NEURL1: variants seen among roughly 807,000 people sequenced by gnomAD.
NEURL1 encodes the protein neuralized E3 ubiquitin protein ligase 1.
Under a neutral mutation model 41.2 loss-of-function variants are expected in NEURL1, and 26 were observed. The observed-to-expected ratio is 0.63, with a 90% CI of 0.46 to 0.87. The LOEUF (loss-of-function observed/expected upper bound fraction) is 0.87. Ranked by LOEUF, NEURL1 falls within the 40% of genes least tolerant of loss-of-function variation. The pLI is 0.00. For missense variants in NEURL1, 761 were observed against 871.1 expected (o/e 0.87, Z 1.59); for synonymous variants, 400 against 402.3 (o/e 0.99, Z 0.07).
At chr10:103,552,883 T>G (rs1441980087) in intron 1 of NEURL1, among the ~76,000 whole-genome samples, 1 of 152,060 alleles carries the variant, frequency 6.6e-6, no homozygotes, top group Non-Finnish European at 1.5e-5. Context: ...GAAATATAAG[T>G]GCCAAGAACA....
At chr10:103,588,762 G>C (rs1255403807) in intron 4 of NEURL1, 1 of 417,272 alleles carries the variant, frequency 2.4e-6, no homozygotes, top group Admixed American at 2.8e-5. Flanking sequence ...TGGCCAACAT[G>C]GTGAAACCCC....
At chr10:103,589,950 G>C (rs1157235795) in intron 5 of NEURL1, among the ~76,000 whole-genome samples, 184 bp from the exon 6 acceptor site, 1 of 152,208 alleles carries the variant, frequency 6.6e-6, no homozygotes, top group Admixed American at 6.5e-5. Context: ...GGTTGGAGTG[G>C]GTCAGAAGTG....
At chr10:103,552,151 G>A (rs1053944981) in intron 1 of NEURL1, among the ~76,000 whole-genome samples, 4 of 152,162 alleles carry the variant, frequency 2.6e-5, no homozygotes, top group African/African-American at 9.7e-5. Context: ...TGTTGCTGCT[G>A]CTGCTCCCTC....
chr10:103,590,041 A>C (rs2036004649), intron 5 of NEURL1, 93 bp from the exon 6 acceptor site: 1 of 1,216,226 alleles, frequency 8.2e-7, no homozygotes. Context: ...TGATAAATGG[A>C]GGGGGACACA....
At chr10:103,538,999 T>C (rs2034761239) in intron 1 of NEURL1, among the ~76,000 whole-genome samples, 4 of 145,840 alleles carry the variant, frequency 2.7e-5, no homozygotes, top group African/African-American at 1.0e-4. Flanking sequence ...CAGGCTGGAG[T>C]GCAGTGGTAC....
At position 103,543,892 on chromosome 10, in the gene NEURL1, C is replaced by T. The variant is rs772050080; in HGVS notation, c.86-26980C>T. Among the ~76,000 whole-genome samples, 6 of 146,962 alleles carry T rather than the reference C, an allele frequency of 4.1e-5. No homozygotes were observed. The East Asian group carries it at 8.2e-4, about 20-fold the overall frequency. ...GCCATGTTCTAGAACACAACTGGCT[C>T]GTGTGCATGGAGCATAGGTACATGG... is the stretch of plus-strand genomic sequence containing the variant. On this transcript the variant is annotated intron_variant, in intron 1 of 5. Coordinates refer to ENST00000369780, the MANE Select transcript of NEURL1 (RefSeq NM_004210.5).
chr10:103,505,692 A>G (rs540272001), intron 1 of NEURL1, among the ~76,000 whole-genome samples: 1 of 151,728 alleles, frequency 6.6e-6, no homozygotes, highest in South Asian at 2.1e-4. Flanking sequence ...CTTAAAAAGC[A>G]CCCTAGACGG....
At position 103,589,499 on chromosome 10, in the gene NEURL1, C is replaced by T. The variant is rs778358437; in HGVS notation, c.1340-15C>T. On this transcript the variant is annotated splice_polypyrimidine_tract_variant and intron_variant, in intron 4 of 5. Coordinates refer to ENST00000369780, the MANE Select transcript of NEURL1 (RefSeq NM_004210.5). ...CAGGCAGCTAGTGTGTCCTTCCCTC[C>T]CTCCCCTTTCACAGGCTCCACTATC... 1 of 1,582,522 alleles carries T rather than the reference C, an allele frequency of 6.3e-7. No homozygotes were observed. The highest frequency in any genetic ancestry group is 8.6e-7 in the Non-Finnish European group (1 of 1,162,470).
intron 1 of NEURL1, among the ~76,000 whole-genome samples, chr10:103,540,128 T>C (rs888301653): frequency 2.6e-5 from 4 of 152,236 alleles, no homozygotes; most frequent in African/African-American, 9.6e-5. Context: ...TTTTTATTAC[T>C]AGCAACCAAA....
chr10:103,529,064 G>A (rs1471226844), intron 1 of NEURL1, among the ~76,000 whole-genome samples: 4 of 152,052 alleles, frequency 2.6e-5, no homozygotes, highest in Non-Finnish European at 5.9e-5. Flanking sequence ...CAGCAAATAA[G>A]ACTAGACTCT....
chr10:103,494,546 G>T (rs1224252429), intron 1 of NEURL1, 74 bp downstream of exon 1: 1 of 1,275,732 alleles, frequency 7.8e-7, no homozygotes, highest in Non-Finnish European at 1.1e-6. Context: ...GTTGGGGAGG[G>T]CGGGCAGACG....
At chr10:103,557,112 A>G (rs1328397667) in intron 1 of NEURL1, among the ~76,000 whole-genome samples, 1 of 152,158 alleles carries the variant, frequency 6.6e-6, no homozygotes, top group African/African-American at 2.4e-5. Context: ...CAATGAGGCT[A>G]GTAATAGCAC....
chr10:103,497,461 T>C (rs2033712031), intron 1 of NEURL1, among the ~76,000 whole-genome samples: 1 of 152,168 alleles, frequency 6.6e-6, no homozygotes, highest in Non-Finnish European at 1.5e-5. Flanking sequence ...AGTCTCTTGA[T>C]TCCTCACCAT....
At chr10:103,495,785 T>C (rs139294957) in intron 1 of NEURL1, among the ~76,000 whole-genome samples, 6 of 152,342 alleles carry the variant, frequency 3.9e-5, no homozygotes, top group African/African-American at 1.2e-4. Flanking sequence ...GAAATTAATA[T>C]GGCAATACAT....
intron 1 of NEURL1, among the ~76,000 whole-genome samples, chr10:103,497,746 G>A (rs913467912): frequency 3.9e-5 from 6 of 152,304 alleles, no homozygotes; most frequent in South Asian, 4.1e-4. Context: ...GGCAGTGCCC[G>A]AGGAGCTCCC....
intron 4 of NEURL1, among the ~76,000 whole-genome samples, chr10:103,589,260 G>T (rs1355261150): frequency 6.6e-6 from 1 of 152,210 alleles, no homozygotes; most frequent in East Asian, 1.9e-4. Flanking sequence ...AAGAAAGCAG[G>T]ATATGACCCT....
rs1442950982 is a variant in NEURL1 at position 103,590,398 on chromosome 10, A to G, written c.*26A>G. The G allele has an allele frequency of 1.3e-6, 2 of 1,572,868 alleles. No individual in the cohort carries two copies. The highest frequency in any genetic ancestry group is 1.7e-6 in the Non-Finnish European group (2 of 1,143,902). ...CCCGTTGCGGTGGCCCATCCCGCAT[A>G]CCCATCTTCTCGGGCTTCAGCCCAG... On this transcript the variant is annotated 3_prime_UTR_variant, in exon 6 of 6. Coordinates refer to ENST00000369780, the MANE Select transcript of NEURL1 (RefSeq NM_004210.5).
At chr10:103,520,107 T>C (rs1303578496) in intron 1 of NEURL1, among the ~76,000 whole-genome samples, 1 of 152,126 alleles carries the variant, frequency 6.6e-6, no homozygotes, top group Non-Finnish European at 1.5e-5. Context: ...TAAAAACAGT[T>C]TATTGCTTAA....
At chr10:103,515,578 A>G (rs2034185574) in intron 1 of NEURL1, among the ~76,000 whole-genome samples, 1 of 152,240 alleles carries the variant, frequency 6.6e-6, no homozygotes, top group Non-Finnish European at 1.5e-5. Context: ...ATAAAGGTAT[A>G]GTAAACTTTC....
Sources: gnomAD v4.1 joint callset for allele counts (sites outside exome capture counted in the v4.1 genomes callset) on GRCh38, gnomAD v4.1.1 for gene constraint, MANE v1.5 for transcripts, NCBI Gene and HGNC (gene_info 2026-07-23, HGNC 2026-07-21) for gene names.